Variants in GMNC observed in about 807,000 individuals in gnomAD.
The protein encoded by GMNC is geminin coiled-coil domain containing.
GMNC carries 16 observed loss-of-function variants against 33.6 expected under a neutral mutation model. The ratio of observed to expected loss-of-function variants is 0.48; its 90% CI spans 0.32 to 0.72. The LOEUF (loss-of-function observed/expected upper bound fraction) is 0.72. Ranked by LOEUF, GMNC falls within the 30% of genes least tolerant of loss-of-function variation. The pLI is 0.03. For missense variants in GMNC, 393 were observed against 388.9 expected (o/e 1.01, Z -0.09); for synonymous variants, 156 against 147.3 (o/e 1.06, Z -0.43).
chr3:190,843,333 G>A, the GMNC span, among the ~76,000 whole-genome samples: 1 of 152,000 alleles, frequency 6.6e-6, no homozygotes, highest in Non-Finnish European at 1.5e-5. Context: ...CTGTGATGTT[G>A]AACACAGTAT....
intron 2 of GMNC, 53 bp downstream of exon 2, chr3:190,860,631 G>A (rs1365951606): frequency 3.4e-6 from 5 of 1,454,838 alleles, no homozygotes; most frequent in Non-Finnish European, 3.7e-6. Flanking sequence ...CCGCAGCCAC[G>A]GGTATGGAAA....
At chr3:190,859,191 G>A (rs918398288) in intron 2 of GMNC, among the ~76,000 whole-genome samples, 175 bp from the exon 3 acceptor site, 3 of 152,202 alleles carry the variant, frequency 2.0e-5, no homozygotes, top group African/African-American at 7.2e-5. Flanking sequence ...CAAGCAAGCT[G>A]TGAGAGACAA....
chr3:190,857,412 A>T (rs534738654), intron 4 of GMNC, among the ~76,000 whole-genome samples: 69 of 152,238 alleles, frequency 4.5e-4, no homozygotes, highest in Admixed American at 9.2e-4. Context: ...AGTAAGAATG[A>T]TTTGCCTAAA....
the GMNC span, among the ~76,000 whole-genome samples, chr3:190,843,990 G>A: frequency 2.0e-5 from 3 of 152,106 alleles, no homozygotes; most frequent in Admixed American, 2.0e-4. Context: ...TTAATAGAAG[G>A]ATTTGAATAA....
At chr3:190,843,610 C>G in the GMNC span, among the ~76,000 whole-genome samples, 4 of 152,110 alleles carry the variant, frequency 2.6e-5, no homozygotes, top group Non-Finnish European at 4.4e-5. Context: ...CCCAGGCTCC[C>G]TCCCACACAG....
At chr3:190,849,783 T>G (rs1044390783), downstream of GMNC, among the ~76,000 whole-genome samples, 5 of 152,214 alleles carry the variant, frequency 3.3e-5, no homozygotes, top group Non-Finnish European at 5.9e-5. Flanking sequence ...CTGACTCCAG[T>G]GTGTTAGAAT....
chr3:190,856,315 TTA>T lies in GMNC; in HGVS notation c.385-402_385-401del, dbSNP rs1425403783. On this transcript the variant is annotated intron_variant, in intron 4 of 4. Transcript: ENST00000442080. ...ATTTATAAATAATACTTATATTTATTTATAAATATTTATAAATAAATAAAAAT... is the reference window on the plus strand; with the variant it reads ...ATTTATAAATAATACTTATATTTATTTAAATATTTATAAATAAATAAAAAT... Among the ~76,000 whole-genome samples, 2 of 140,978 alleles carry T rather than the reference TTA, an allele frequency of 1.4e-5. 1 individual carries two copies. The highest frequency in any genetic ancestry group is 3.1e-5 in the Non-Finnish European group (2 of 65,394). The allele number at this position is 140,978 out of a possible 152,430, so 92.5% of individuals were successfully genotyped here.
chr3:190,851,930 A>G (rs1348250050), downstream of GMNC, among the ~76,000 whole-genome samples: 1 of 151,972 alleles, frequency 6.6e-6, no homozygotes, highest in Non-Finnish European at 1.5e-5. Context: ...ATTATATTTA[A>G]CAATTGCAGG....
At chr3:190,849,380 A>G (rs893178441), downstream of GMNC, among the ~76,000 whole-genome samples, 1 of 152,230 alleles carries the variant, frequency 6.6e-6, no homozygotes, top group African/African-American at 2.4e-5. Context: ...GGGTGGAAGA[A>G]GAATAACTCT....
the GMNC span, among the ~76,000 whole-genome samples, chr3:190,844,535 T>C: frequency 6.6e-6 from 1 of 151,476 alleles, no homozygotes; most frequent in African/African-American, 2.4e-5. Flanking sequence ...CAAGGAAAAA[T>C]ATGTTATTAG....
In GMNC at chr3:190,855,111, C is replaced by A. The variant is rs1737702506; in HGVS notation, c.*184G>T. 8.0e-6 allele frequency: 5 copies of A among 621,414 alleles called. No individual in the cohort carries two copies. Among genetic ancestry groups the A allele is most frequent in the Non-Finnish European group, 8.3e-6 (3 of 361,792 alleles). 38.5% of individuals were successfully genotyped at this position (621,414 alleles called of 1,614,324 possible). A position where few individuals can be genotyped will look rare whatever the true frequency, so the allele number is the denominator to read the frequency against. Reference sequence around the variant, plus strand: ...AATTTAGGTAAAAGAAGCGCGGACACGTTTCATTATGGATTCTTGGAAGCC... The same window carrying A: ...AATTTAGGTAAAAGAAGCGCGGACAAGTTTCATTATGGATTCTTGGAAGCC... On this transcript the variant is annotated 3_prime_UTR_variant, in exon 5 of 5. Transcript: ENST00000442080.
intron 3 of GMNC, 138 bp from the exon 4 acceptor site, chr3:190,858,037 G>A: frequency 1.6e-6 from 1 of 623,066 alleles, no homozygotes; most frequent in Non-Finnish European, 2.9e-6. Flanking sequence ...CCCTCATCCT[G>A]AGAGGCCTAA....
In GMNC at chr3:190,855,481, T is replaced by C; in HGVS notation, c.819A>G (p.Pro273=). The change falls in exon 5 of 5, where the codon CCA becomes CCG. Residue 273 remains proline (P), a synonymous_variant. Coordinates refer to ENST00000442080, the MANE Select transcript of GMNC (RefSeq NM_001146686.3). ...AGTAAGGAAGAGTTTTCAGCCCCACTGGGGGATTTGAAAGTTGAGAAAGGA... is the reference window on the plus strand; with the variant it reads ...AGTAAGGAAGAGTTTTCAGCCCCACCGGGGGATTTGAAAGTTGAGAAAGGA... ...FHILSQLSNP[P]VGLKTLPYYT... is the part of the protein sequence containing the mutation. 4 of 1,551,932 alleles carry C rather than the reference T, an allele frequency of 2.6e-6. No homozygotes were observed. Among genetic ancestry groups the C allele is most frequent in the Non-Finnish European group, 3.5e-6 (4 of 1,146,992 alleles).
At chr3:190,846,784 ATTATCT>A in the GMNC span, among the ~76,000 whole-genome samples, 1 of 152,170 alleles carries the variant, frequency 6.6e-6, no homozygotes, top group African/African-American at 2.4e-5. Context: ...ACTAAGGAAA[ATTATCT>A]TTATTTTTCA....
chr3:190,858,227 G>A (rs1737788975), intron 3 of GMNC, among the ~76,000 whole-genome samples: 1 of 152,142 alleles, frequency 6.6e-6, no homozygotes, highest in Non-Finnish European at 1.5e-5. Flanking sequence ...TGATGTTTAG[G>A]AAGATGTTGC....
In GMNC at chr3:190,861,493, TC is replaced by T. The variant is rs1388414801; in HGVS notation, c.4-636del. On this transcript the variant is annotated intron_variant, in intron 1 of 4. Transcript: ENST00000442080. The surrounding 1 kb of genome is among the most constrained non-coding windows in gnomAD (Gnocchi z 5.1). ...ATCTATCTATCTATCTATCTATCTA[TC>T]TATCTATCTATCTATCTCTGTCCCA... Among the ~76,000 whole-genome samples the T allele has an allele frequency of 5.9e-5, 9 of 151,908 alleles. No individual in the cohort carries two copies. Among genetic ancestry groups the T allele is most frequent in the Non-Finnish European group, 1.0e-4 (7 of 68,004 alleles).
At chr3:190,843,904 A>T in the GMNC span, among the ~76,000 whole-genome samples, 1 of 152,204 alleles carries the variant, frequency 6.6e-6, no homozygotes, top group Non-Finnish European at 1.5e-5. Flanking sequence ...TAATAAATAA[A>T]AGTCTCAGAA....
In GMNC at chr3:190,855,229, T is replaced by C; in HGVS notation, c.*66A>G. 6.8e-7 allele frequency: 1 copy of C among 1,468,918 alleles called. No homozygotes were observed. The highest frequency in any genetic ancestry group is 9.2e-7 in the Non-Finnish European group (1 of 1,090,816). The allele number at this position is 1,468,918 out of a possible 1,614,324, so 91.0% of individuals were successfully genotyped here. ...AGCTTCTGTGTTCCACATAGTCAAA[T>C]TCAAGTGCAAGAGAGGTCTTTGTAA... On this transcript the variant is annotated 3_prime_UTR_variant, in exon 5 of 5. Coordinates refer to ENST00000442080, the MANE Select transcript of GMNC (RefSeq NM_001146686.3).
In GMNC at chr3:190,855,575, G is replaced by A. The variant is rs371940723; in HGVS notation, c.725C>T (p.Pro242Leu). 2.6e-6 allele frequency: 4 copies of A among 1,551,296 alleles called. No individual in the cohort carries two copies. In the African/African-American group the frequency reaches 5.5e-5, roughly 21 times the overall value. The stretch of plus-strand genomic sequence containing the variant: ...TGTTCTGTCACCTCTATAGTCAATT[G>A]GCATATCCTCTCTGGGGATATTTTT... ...DYKNIPREDM[P>L]IDYRGDRTTP... The change falls in exon 5 of 5, where the codon CCA becomes CTA. Residue 242 changes from proline to leucine, a missense_variant. By Grantham distance (98) the Pro-to-Leu change is moderately conservative. Coordinates refer to ENST00000442080, the MANE Select transcript of GMNC (RefSeq NM_001146686.3).
Sources: gnomAD v4.1 joint callset for allele counts (sites outside exome capture counted in the v4.1 genomes callset) on GRCh38, gnomAD v4.1.1 for gene constraint, Gnocchi (gnomAD v3.1) non-coding constraint, MANE v1.5 for transcripts, NCBI Gene and HGNC (gene_info 2026-07-23, HGNC 2026-07-21) for gene names.